LRP1B: variants seen among roughly 807,000 people sequenced by gnomAD.
The protein encoded by LRP1B is low-density lipoprotein receptor-related protein 1B.
LRP1B carries 217 observed loss-of-function variants against 556.6 expected under a neutral mutation model. The ratio of observed to expected loss-of-function variants is 0.39; its 90% confidence interval spans 0.35 to 0.44. The LOEUF is 0.44. LRP1B is among the 20% of genes least tolerant of loss of function. The pLI, the probability that LRP1B is intolerant of heterozygous loss-of-function variation, is 1.00. For synonymous variants in LRP1B, 2,047 were observed against 1,865.8 expected (o/e 1.10, Z -2.50); for missense variants, 5,053 against 5,620.8 (o/e 0.90, Z 3.23).
chr2:140,597,823 G>A (rs1682504208), intron 43 of LRP1B, among the ~76,000 whole-genome samples: 1 of 152,134 alleles, frequency 6.6e-6, no homozygotes, highest in South Asian at 2.1e-4. Context: ...TGGTCCATGA[G>A]GCTTCAAATA....
intron 2 of LRP1B, among the ~76,000 whole-genome samples, chr2:141,592,780 T>A (rs6729244): frequency 2.0e-5 from 3 of 152,114 alleles, no homozygotes; most frequent in African/African-American, 7.2e-5. Flanking sequence ...TTCTAGGTTT[T>A]ACTCACATAA....
intron 16 of LRP1B, among the ~76,000 whole-genome samples, chr2:140,990,774 G>T (rs908431780): frequency 6.6e-6 from 1 of 152,040 alleles, no homozygotes; most frequent in African/African-American, 2.4e-5. Context: ...AACTGAATTG[G>T]CATGCTCTTC....
intron 3 of LRP1B, among the ~76,000 whole-genome samples, chr2:141,412,166 T>G (rs1393375740): frequency 6.6e-6 from 1 of 152,206 alleles, no homozygotes; most frequent in Non-Finnish European, 1.5e-5. Flanking sequence ...CAGAGTTAAA[T>G]AAATACTTGG....
intron 4 of LRP1B, among the ~76,000 whole-genome samples, chr2:141,248,590 G>A (rs1301296914): frequency 2.0e-5 from 3 of 152,138 alleles, no homozygotes; most frequent in Non-Finnish European, 2.9e-5. Context: ...AGCATAAGGA[G>A]TCAAATGAAG....
chr2:141,598,971 C>T (rs1319757038), intron 2 of LRP1B, among the ~76,000 whole-genome samples: 1 of 150,320 alleles, frequency 6.7e-6, no homozygotes, highest in Non-Finnish European at 1.5e-5. Context: ...CTGACTGTGG[C>T]CCTCTCAAAT....
intron 2 of LRP1B, among the ~76,000 whole-genome samples, chr2:141,547,263 T>C (rs1685586605): frequency 6.6e-6 from 1 of 152,218 alleles, no homozygotes; most frequent in African/African-American, 2.4e-5. Flanking sequence ...CTCTAATGTC[T>C]GTCAGATCAA....
At chr2:141,543,586 A>G (rs1685349451) in intron 2 of LRP1B, among the ~76,000 whole-genome samples, 1 of 151,182 alleles carries the variant, frequency 6.6e-6, no homozygotes, top group African/African-American at 2.4e-5. Context: ...CAAGCTGGGT[A>G]TGGTTGCACA....
intron 3 of LRP1B, among the ~76,000 whole-genome samples, chr2:141,301,057 G>C (rs552365799): frequency 8.5e-5 from 13 of 152,246 alleles, no homozygotes; most frequent in African/African-American, 3.1e-4. Context: ...AAGATAATGG[G>C]TCTGGGAAAC....
chr2:141,234,873 A>G (rs1683594961), intron 5 of LRP1B, among the ~76,000 whole-genome samples: 1 of 152,148 alleles, frequency 6.6e-6, no homozygotes, highest in South Asian at 2.1e-4. Flanking sequence ...CAACCAAACC[A>G]AACTGAAAAT....
intron 67 of LRP1B, 93 bp from the exon 68 acceptor site, chr2:140,378,379 A>C: frequency 1.5e-6 from 1 of 656,966 alleles, no homozygotes; most frequent in Non-Finnish European, 2.7e-6. Context: ...CATTAAAGAA[A>C]AAAAAAGAGG....
At chr2:141,202,389 G>A (rs1031270830) in intron 6 of LRP1B, among the ~76,000 whole-genome samples, 3 of 152,166 alleles carry the variant, frequency 2.0e-5, no homozygotes, top group African/African-American at 4.8e-5. Flanking sequence ...ACGTGCATGT[G>A]TCTTTATGGT....
chr2:140,347,751 CAGAG>C (rs1250815119), intron 77 of LRP1B, among the ~76,000 whole-genome samples: 2 of 151,878 alleles, frequency 1.3e-5, no homozygotes, highest in African/African-American at 4.8e-5. Flanking sequence ...TCTATTGATT[CAGAG>C]ATAGGTAGAA....
intron 1 of LRP1B, among the ~76,000 whole-genome samples, chr2:141,978,728 C>T (rs947726211): frequency 1.3e-5 from 2 of 151,806 alleles, no homozygotes; most frequent in African/African-American, 2.4e-5. Context: ...CTCCTGTCAC[C>T]GATTAAAAAA....
chr2:141,597,230 T>C (rs1687557366), intron 2 of LRP1B, among the ~76,000 whole-genome samples: 1 of 152,020 alleles, frequency 6.6e-6, no homozygotes, highest in Non-Finnish European at 1.5e-5. Flanking sequence ...TTGGGTTTTC[T>C]CTCTACTTTC....
At position 142,022,727 on chromosome 2, in the gene LRP1B, G is replaced by A. The variant is rs180715915; in HGVS notation, c.82+107921C>T. 2.2e-4 allele frequency among the ~76,000 whole-genome samples: 33 copies of A among 152,106 alleles called. 1 individual carries two copies. The East Asian group carries it at 3.7e-3, about 17-fold the overall frequency. On this transcript the variant is annotated intron_variant, in intron 1 of 90. Transcript: ENST00000389484. ...GCTCTGTTGCCCAGGCTGGAGTGCCGTGGCACCATCTCGGCTCACTGCAAC... is the reference window on the plus strand; with the variant it reads ...GCTCTGTTGCCCAGGCTGGAGTGCCATGGCACCATCTCGGCTCACTGCAAC...
intron 7 of LRP1B, among the ~76,000 whole-genome samples, chr2:141,069,001 T>A (rs1402895191): frequency 1.3e-5 from 2 of 152,068 alleles, no homozygotes; most frequent in Non-Finnish European, 2.9e-5. Flanking sequence ...CAGTAGTCTC[T>A]AGAGAAAATA....
chr2:140,662,637 A>C (rs534906683), intron 41 of LRP1B, among the ~76,000 whole-genome samples: 1 of 152,276 alleles, frequency 6.6e-6, no homozygotes, highest in African/African-American at 2.4e-5. Flanking sequence ...TGGAATGGAT[A>C]TAATTCCTTG....
chr2:141,678,947 A>C (rs1485362986), intron 2 of LRP1B, among the ~76,000 whole-genome samples: 1 of 152,094 alleles, frequency 6.6e-6, no homozygotes, highest in Non-Finnish European at 1.5e-5. Flanking sequence ...AAAATATAAA[A>C]AACAGTATTG....
chr2:141,138,100 G>A (rs1038539401), intron 7 of LRP1B, among the ~76,000 whole-genome samples: 16 of 151,780 alleles, frequency 1.1e-4, no homozygotes, highest in South Asian at 4.2e-4. Context: ...ATTAATAAGC[G>A]GTGGTGTTTA....
Sources: allele counts gnomAD v4.1 joint callset (sites outside exome capture counted in the v4.1 genomes callset), GRCh38; gene constraint gnomAD v4.1.1; transcripts MANE v1.5; gene names NCBI Gene and HGNC (gene_info 2026-07-23, HGNC 2026-07-21).